GRIK4: variants seen among roughly 807,000 people sequenced by gnomAD.
The protein encoded by GRIK4 is glutamate ionotropic receptor kainate type subunit 4, also known as glutamate receptor ionotropic, kainate 4.
In GRIK4, 40 loss-of-function variants were observed where a neutral mutation model predicts 104.9. That is an observed-to-expected ratio of 0.38 (90% CI 0.30 to 0.50). GRIK4 has a LOEUF of 0.50. Among genes scored for constraint, GRIK4 ranks in the 20% least tolerant of loss-of-function variants. GRIK4 has a pLI of 0.93. For missense variants in GRIK4, 1,047 were observed against 1,308.1 expected, an observed-to-expected ratio of 0.80 and a Z score of 3.08; for synonymous variants, 485 against 524.9, an observed-to-expected ratio of 0.92 and a Z score of 1.04.
chr11:120,523,853 G>A (rs1947825757), intron 1 of GRIK4, among the ~76,000 whole-genome samples: 1 of 151,428 alleles, frequency 6.6e-6, no homozygotes, highest in African/African-American at 2.4e-5. Context: ...CTTTGGGGAG[G>A]TCATCAGAGA....
intron 3 of GRIK4, among the ~76,000 whole-genome samples, chr11:120,756,096 C>G (rs1275314410): frequency 6.6e-6 from 1 of 152,192 alleles, no homozygotes; most frequent in Non-Finnish European, 1.5e-5. Context: ...CTGATGCTAT[C>G]TGCCCCAGGA....
In GRIK4 at chr11:120,905,983, C is replaced by T. The variant is rs1412890983; in HGVS notation, c.1476+490C>T. On this transcript the variant is annotated intron_variant, in intron 13 of 20. Transcript: ENST00000527524. This position sits in a 1 kb window ranked among gnomAD's most constrained non-coding sequence, Gnocchi z 5.1. ...GGTCACAGCTACAGTTATTTTCGTA[C>T]ATCTTGTGTTATCTTTGGTTAGCGT... Among the ~76,000 whole-genome samples the T allele has an allele frequency of 6.6e-6, 1 of 152,152 alleles. No homozygotes were observed. Among genetic ancestry groups the T allele is most frequent in the East Asian group, 1.9e-4 (1 of 5,190 alleles).
intron 11 of GRIK4, among the ~76,000 whole-genome samples, chr11:120,897,719 C>T (rs924806623): frequency 6.7e-6 from 1 of 149,552 alleles, no homozygotes; most frequent in African/African-American, 2.5e-5. Flanking sequence ...CGAAAGACAA[C>T]GTGGAAGGAA....
At chr11:120,884,962 C>G (rs1354030268) in intron 11 of GRIK4, among the ~76,000 whole-genome samples, 1 of 152,252 alleles carries the variant, frequency 6.6e-6, no homozygotes, top group East Asian at 1.9e-4. Context: ...TAACCGGCTT[C>G]CTTCCACCCG....
chr11:120,796,164 T>C (rs1952510414), intron 3 of GRIK4, among the ~76,000 whole-genome samples: 2 of 151,700 alleles, frequency 1.3e-5, no homozygotes, highest in South Asian at 4.2e-4. Flanking sequence ...GCCTCCCGAG[T>C]AGCTGGGACT....
intron 11 of GRIK4, among the ~76,000 whole-genome samples, chr11:120,876,064 C>T (rs1253586854): frequency 6.6e-6 from 1 of 151,760 alleles, no homozygotes; most frequent in Admixed American, 6.6e-5. Flanking sequence ...AGGGAGCACA[C>T]CACTGAAGGG....
intron 1 of GRIK4, among the ~76,000 whole-genome samples, chr11:120,622,965 C>A (rs893428614): frequency 6.6e-6 from 1 of 152,208 alleles, no homozygotes; most frequent in African/African-American, 2.4e-5. Flanking sequence ...AGGTAACATC[C>A]AGAGGTTCTG....
chr11:120,793,549 A>G (rs770256865), intron 3 of GRIK4, among the ~76,000 whole-genome samples: 1 of 152,174 alleles, frequency 6.6e-6, no homozygotes, highest in Non-Finnish European at 1.5e-5. Context: ...GAGTGGCCTC[A>G]GTTTAACCAG....
In GRIK4 at chr11:120,792,648, G is replaced by A. The variant is rs1194060856; in HGVS notation, c.83-10045G>A. Among the ~76,000 whole-genome samples the A allele has an allele frequency of 5.3e-5, 8 of 152,152 alleles. 1 individual carries two copies. Among genetic ancestry groups the A allele is most frequent in the African/African-American group, 1.9e-4 (8 of 41,414 alleles). On this transcript the variant is annotated intron_variant, in intron 3 of 20. Coordinates refer to ENST00000527524, the MANE Select transcript of GRIK4 (RefSeq NM_014619.5). ...GTACAACCAAAAGCAATTGGAGACT[G>A]GTTATTGGAAGGTGCGGAATTGGGT...
At chr11:120,853,190 G>A (rs1954015666) in intron 8 of GRIK4, among the ~76,000 whole-genome samples, 1 of 152,126 alleles carries the variant, frequency 6.6e-6, no homozygotes, top group East Asian at 1.9e-4. Flanking sequence ...TTCCAGGCTT[G>A]GGAGATGCAG....
intron 8 of GRIK4, among the ~76,000 whole-genome samples, chr11:120,861,540 C>T (rs1954263211): frequency 6.6e-6 from 1 of 152,156 alleles, no homozygotes. Flanking sequence ...CAGCTCTGCC[C>T]TATACATGGG....
At chr11:120,776,115 A>G (rs946594974) in intron 3 of GRIK4, among the ~76,000 whole-genome samples, 10 of 152,258 alleles carry the variant, frequency 6.6e-5, no homozygotes, top group African/African-American at 1.9e-4. Flanking sequence ...TTGTGCCAAT[A>G]AGAGATAAAC....
rs541859830 is a variant in GRIK4 at position 120,967,002 on chromosome 11, C to T, written c.2267-193C>T. 6.4e-4 allele frequency among the ~76,000 whole-genome samples: 98 copies of T among 152,276 alleles called. No individual in the cohort carries two copies. Among genetic ancestry groups the T allele is most frequent in the African/African-American group, 2.3e-3 (96 of 41,550 alleles). ...AACACTGCGTGAAGCCAGAATGCCC[C>T]GCTCTTCCGGGGGAGCCCCAGTGGA... On this transcript the variant is annotated intron_variant, in intron 18 of 20. Coordinates refer to ENST00000527524, the MANE Select transcript of GRIK4 (RefSeq NM_014619.5). This position sits in a 1 kb window ranked among gnomAD's most constrained non-coding sequence, Gnocchi z 4.2.
At chr11:120,750,115 G>C (rs901980659) in intron 3 of GRIK4, among the ~76,000 whole-genome samples, 1 of 152,054 alleles carries the variant, frequency 6.6e-6, no homozygotes, top group Non-Finnish European at 1.5e-5. Context: ...GAGTTCACAG[G>C]CTACTTTGTG....
At chr11:120,960,256 G>A (rs929445791) in intron 16 of GRIK4, among the ~76,000 whole-genome samples, 2 of 152,140 alleles carry the variant, frequency 1.3e-5, no homozygotes, top group African/African-American at 2.4e-5. Context: ...TTGAATCCAC[G>A]AGGTGGAGGT....
intron 1 of GRIK4, among the ~76,000 whole-genome samples, chr11:120,583,756 A>G (rs1201617529): frequency 6.6e-6 from 1 of 152,164 alleles, no homozygotes; most frequent in African/African-American, 2.4e-5. Context: ...GAAGAATGTC[A>G]TTGGTAGTTT....
chr11:120,767,959 A>G (rs1397613099), intron 3 of GRIK4, among the ~76,000 whole-genome samples: 1 of 150,738 alleles, frequency 6.6e-6, no homozygotes, highest in Admixed American at 6.6e-5. Context: ...ACTTTGTAAT[A>G]TAATCTTAAG....
chr11:120,572,227 A>G (rs1206607611), intron 1 of GRIK4, among the ~76,000 whole-genome samples: 3 of 152,122 alleles, frequency 2.0e-5, no homozygotes, highest in East Asian at 1.9e-4. Context: ...TGATCTAGTC[A>G]CATCCCAAAG....
intron 3 of GRIK4, among the ~76,000 whole-genome samples, chr11:120,686,917 G>A (rs771099820): frequency 2.0e-5 from 3 of 152,132 alleles, no homozygotes; most frequent in Non-Finnish European, 4.4e-5. Context: ...CAGTGAGTTG[G>A]CTGTTGTGCT....
Sources: allele counts gnomAD v4.1 joint callset (sites outside exome capture counted in the v4.1 genomes callset), GRCh38; gene constraint gnomAD v4.1.1; non-coding constraint Gnocchi (gnomAD v3.1); transcripts MANE v1.5; gene names NCBI Gene and HGNC (gene_info 2026-07-23, HGNC 2026-07-21).